FSD1L: variants seen among roughly 807,000 people sequenced by gnomAD.
The protein encoded by FSD1L is fibronectin type III and SPRY domain containing 1 like, also known as FSD1-like protein.
Under a neutral mutation model 71.6 loss-of-function variants are expected in FSD1L, and 45 were observed. The ratio of observed to expected loss-of-function variants is 0.63; its 90% CI spans 0.49 to 0.81. The LOEUF (loss-of-function observed/expected upper bound fraction) is 0.81, where lower values mean the gene tolerates loss of function less well. Ranked by LOEUF, FSD1L falls within the 30% of genes least tolerant of loss-of-function variation. The probability of loss-of-function intolerance (pLI) is 0.00; values close to 1 mark genes in which losing one functional copy is unlikely to be tolerated. For missense variants in FSD1L, 561 were observed against 618.1 expected (o/e 0.91, Z 0.98); for synonymous variants, 197 against 207.2 (o/e 0.95, Z 0.42).
intron 1 of FSD1L, 88 bp downstream of exon 1, chr9:105,448,323 G>T: frequency 7.9e-7 from 1 of 1,263,456 alleles, no homozygotes; most frequent in Non-Finnish European, 1.1e-6. Flanking sequence ...GGCTGTGGGT[G>T]CGCGGGGTGG....
chr9:105,513,530 T>G, intron 10 of FSD1L: 1 of 1,320,052 alleles, frequency 7.6e-7, no homozygotes, highest in Non-Finnish European at 1.0e-6. Context: ...TTTAATCTGA[T>G]TTCATTATAA....
At chr9:105,503,767 A>G (rs560512197) in intron 7 of FSD1L, among the ~76,000 whole-genome samples, 50 of 152,324 alleles carry the variant, frequency 3.3e-4, no homozygotes, top group African/African-American at 1.1e-3. Flanking sequence ...TCTTACTTCT[A>G]TATAGAATCT....
intron 5 of FSD1L, among the ~76,000 whole-genome samples, chr9:105,477,556 G>C (rs1461292215): frequency 1.3e-5 from 2 of 152,150 alleles, no homozygotes; most frequent in Non-Finnish European, 2.9e-5. Context: ...TATCAGATAA[G>C]TCATATCATT....
chr9:105,520,122 G>A, intron 10 of FSD1L: 27 of 1,596,970 alleles, frequency 1.7e-5, no homozygotes, highest in East Asian at 2.2e-5. Flanking sequence ...CAGTGGCAGC[G>A]GCAGGATGTT....
At chr9:105,520,006 C>T in intron 10 of FSD1L, 2 of 1,426,040 alleles carry the variant, frequency 1.4e-6, no homozygotes, top group Non-Finnish European at 1.8e-6. Flanking sequence ...CTGCCCTGGC[C>T]CGCAAGGCTG....
At chr9:105,520,361 AAG>A in intron 10 of FSD1L, 2 of 1,220,814 alleles carry the variant, frequency 1.6e-6, no homozygotes, top group Admixed American at 2.0e-5. Context: ...TAGTGAAAAA[AAG>A]AATGCAGAAT....
chr9:105,532,299 A>G (rs1378298617), intron 10 of FSD1L, among the ~76,000 whole-genome samples: 2 of 152,214 alleles, frequency 1.3e-5, no homozygotes, highest in Admixed American at 6.5e-5. Context: ...ATCAGCTTGT[A>G]TAAAATGAAT....
At chr9:105,532,825 C>T (rs1835979191) in intron 10 of FSD1L, among the ~76,000 whole-genome samples, 1 of 152,164 alleles carries the variant, frequency 6.6e-6, no homozygotes, top group Non-Finnish European at 1.5e-5. Flanking sequence ...ACTTTTGCTA[C>T]TTAATATTAT....
chr9:105,543,166 C>A (rs920864166), intron 13 of FSD1L, among the ~76,000 whole-genome samples: 3 of 151,984 alleles, frequency 2.0e-5, no homozygotes, highest in African/African-American at 7.2e-5. Flanking sequence ...TTTCACAGTT[C>A]AGTAGATTCT....
upstream of FSD1L, among the ~76,000 whole-genome samples, chr9:105,445,218 G>C (rs1166261186): frequency 5.9e-5 from 9 of 152,170 alleles, no homozygotes; most frequent in African/African-American, 2.2e-4. Context: ...GGAACTAGCT[G>C]TTTCCCAGAT....
chr9:105,535,967 T>G (rs1048571239), intron 12 of FSD1L, among the ~76,000 whole-genome samples: 11 of 152,314 alleles, frequency 7.2e-5, no homozygotes, highest in African/African-American at 1.9e-4. Flanking sequence ...ACTCATGATA[T>G]CTTTAGAGGG....
At chr9:105,492,679 C>A (rs534267956) in intron 7 of FSD1L, among the ~76,000 whole-genome samples, 1 of 152,226 alleles carries the variant, frequency 6.6e-6, no homozygotes, top group East Asian at 1.9e-4. Context: ...GAATGTGTCC[C>A]AGAGATTCTG....
chr9:105,457,775 G>A (rs1410201148), intron 1 of FSD1L, among the ~76,000 whole-genome samples: 3 of 152,236 alleles, frequency 2.0e-5, no homozygotes, highest in East Asian at 1.9e-4. Context: ...GGGTGTGTGA[G>A]CGAGCGAGTG....
chr9:105,495,299 G>A (rs1055683268), intron 7 of FSD1L, among the ~76,000 whole-genome samples: 3 of 152,124 alleles, frequency 2.0e-5, no homozygotes, highest in Non-Finnish European at 4.4e-5. Context: ...TAGGACCCTC[G>A]GAGCCAGGTG....
chr9:105,526,767 A>T (rs1439816924), intron 10 of FSD1L, among the ~76,000 whole-genome samples: 1 of 151,364 alleles, frequency 6.6e-6, no homozygotes, highest in African/African-American at 2.4e-5. Flanking sequence ...GGGCAGGGGG[A>T]GTTTTATTCT....
rs561074822 is a variant in FSD1L, at chr9:105,542,714, C to G, written c.1467+3363C>G. Among the ~76,000 whole-genome samples the G allele has an allele frequency of 1.8e-4, 27 of 152,318 alleles. No homozygotes were observed. In the South Asian group the frequency reaches 4.4e-3, roughly 25 times the overall value. ...CAAATGATCCACCAGCCTTGGCCCCCCAAAATCCTGGGATTACAGGCATGA... is the reference window on the plus strand; with the variant it reads ...CAAATGATCCACCAGCCTTGGCCCCGCAAAATCCTGGGATTACAGGCATGA... On this transcript the variant is annotated intron_variant, in intron 13 of 13. Coordinates refer to ENST00000481272, the MANE Select transcript of FSD1L (RefSeq NM_001145313.3).
chr9:105,523,291 TG>T (rs1294864739), intron 10 of FSD1L: 2 of 1,595,344 alleles, frequency 1.3e-6, no homozygotes, highest in Non-Finnish European at 1.7e-6. Context: ...ATAGATCACA[TG>T]GAACAGAAGG....
At chr9:105,523,434 G>T in intron 10 of FSD1L, 1 of 1,605,684 alleles carries the variant, frequency 6.2e-7, no homozygotes. Context: ...TGCTGATGTT[G>T]CTACTGTAAT....
intron 10 of FSD1L, among the ~76,000 whole-genome samples, chr9:105,515,757 G>A (rs527556844): frequency 1.3e-4 from 19 of 151,200 alleles, no homozygotes; most frequent in Non-Finnish European, 2.8e-4. Context: ...CTGGGTGGCC[G>A]TTTAGGCAGA....
Sources: gnomAD v4.1 joint callset for allele counts (sites outside exome capture counted in the v4.1 genomes callset) on GRCh38, gnomAD v4.1.1 for gene constraint, MANE v1.5 for transcripts, NCBI Gene and HGNC (gene_info 2026-07-23, HGNC 2026-07-21) for gene names.